Variants in G2E3 observed in about 807,000 individuals in gnomAD.
G2E3 encodes G2/M-phase specific E3 ubiquitin protein ligase.
Under a neutral mutation model 92.8 loss-of-function variants are expected in G2E3, and 35 were observed. That is an observed-to-expected ratio of 0.38 (90% CI 0.29 to 0.50). The LOEUF (loss-of-function observed/expected upper bound fraction) is 0.50. Among genes scored for constraint, G2E3 ranks in the 20% least tolerant of loss-of-function variants. The pLI, the probability that G2E3 is intolerant of heterozygous loss-of-function variation, is 0.94. For missense variants in G2E3, 554 were observed against 823.8 expected (o/e 0.67, Z 4.01); for synonymous variants, 242 against 272.4 (o/e 0.89, Z 1.10).
intron 3 of G2E3, among the ~76,000 whole-genome samples, chr14:30,588,210 T>A (rs1880819169): frequency 6.8e-6 from 1 of 147,612 alleles, no homozygotes; most frequent in Non-Finnish European, 1.5e-5. Context: ...ATTTTACTTT[T>A]TTTTCAGTCA....
At chr14:30,598,645 C>G in intron 8 of G2E3, 46 bp downstream of exon 8, 1 of 1,164,232 alleles carries the variant, frequency 8.6e-7, no homozygotes, top group African/African-American at 1.5e-5. Flanking sequence ...TTGTTTAAAC[C>G]TTCTGCTGAG....
Position 30,619,759 on chromosome 14 carries a change from A to G in G2E3, c.*3225A>G, listed in dbSNP as rs1882477894. ...ATGTCAGCCTATTTCCCCCCCTTTTAAAGACTGCCAGATTAACCAAAAAGC... is the reference window on the plus strand; with the variant it reads ...ATGTCAGCCTATTTCCCCCCCTTTTGAAGACTGCCAGATTAACCAAAAAGC... On this transcript the variant is annotated 3_prime_UTR_variant, in exon 15 of 15. Coordinates refer to ENST00000206595, the MANE Select transcript of G2E3 (RefSeq NM_017769.5). 6.6e-6 allele frequency: 1 copy of G among 152,074 alleles called. No individual in the cohort carries two copies. Among genetic ancestry groups the G allele is most frequent in the Non-Finnish European group, 1.5e-5 (1 of 67,988 alleles). The allele number at this position is 152,074 out of a possible 1,614,324, so 9.4% of individuals were successfully genotyped here. A position where few individuals can be genotyped will look rare whatever the true frequency, so the allele number is the denominator to read the frequency against.
intron 1 of G2E3, among the ~76,000 whole-genome samples, chr14:30,576,809 A>C (rs1315569418): frequency 6.6e-6 from 1 of 152,112 alleles, no homozygotes; most frequent in East Asian, 1.9e-4. Flanking sequence ...CTATAGCAAG[A>C]ATGTTCATTT....
chr14:30,577,644 G>A (rs1263105923), intron 1 of G2E3: 2 of 152,148 alleles, frequency 1.3e-5, no homozygotes, highest in African/African-American at 4.8e-5. Flanking sequence ...TTATGACATG[G>A]CAGCTGGCTT....
Position 30,574,136 on chromosome 14 carries a change from G to C in G2E3, c.-4-6940G>C, listed in dbSNP as rs145924608. Reference sequence around the variant, plus strand: ...ATCCTGCAGTATTGTACATTTGCATGTAACTTCCCTTTTCTGAACCGTTGG... The same window carrying C: ...ATCCTGCAGTATTGTACATTTGCATCTAACTTCCCTTTTCTGAACCGTTGG... On this transcript the variant is annotated intron_variant, in intron 1 of 14. Coordinates refer to ENST00000206595, the MANE Select transcript of G2E3 (RefSeq NM_017769.5). 7.9e-5 allele frequency among the ~76,000 whole-genome samples: 12 copies of C among 152,212 alleles called. No individual in the cohort carries two copies. In the East Asian group the frequency reaches 2.3e-3, roughly 29 times the overall value.
At chr14:30,601,428 C>G (rs1025108855) in intron 8 of G2E3, among the ~76,000 whole-genome samples, 5 of 152,186 alleles carry the variant, frequency 3.3e-5, no homozygotes, top group Non-Finnish European at 5.9e-5. Context: ...GACACACTGA[C>G]ACAGCAATCT....
At chr14:30,576,734 A>G (rs762742279) in intron 1 of G2E3, among the ~76,000 whole-genome samples, 4 of 152,244 alleles carry the variant, frequency 2.6e-5, no homozygotes, top group Non-Finnish European at 4.4e-5. Flanking sequence ...TTTAGAGTAC[A>G]TCGAATAATG....
chr14:30,590,549 A>T (rs905256292), intron 4 of G2E3: 1 of 392,642 alleles, frequency 2.5e-6, no homozygotes, highest in African/African-American at 2.1e-5. Flanking sequence ...ATTAAGGAGG[A>T]TGGAAAAATA....
At chr14:30,584,446 C>A (rs1880596963) in intron 2 of G2E3, among the ~76,000 whole-genome samples, 1 of 152,176 alleles carries the variant, frequency 6.6e-6, no homozygotes, top group Non-Finnish European at 1.5e-5. Flanking sequence ...TTTTGAAGAA[C>A]TGCTGGACTA....
intron 1 of G2E3, chr14:30,577,985 C>T (rs574818755): frequency 6.6e-6 from 1 of 152,174 alleles, no homozygotes; most frequent in South Asian, 2.1e-4. Flanking sequence ...TTGAACTATA[C>T]ACTTAGATAT....
intron 4 of G2E3, 24 bp from the exon 5 acceptor site, chr14:30,592,299 C>T (rs1881054613): frequency 6.2e-7 from 1 of 1,604,264 alleles, no homozygotes; most frequent in Non-Finnish European, 8.5e-7. Context: ...ATGTTGTGAC[C>T]CCTATTTTCA....
chr14:30,603,033 A>T (rs1425434852), intron 10 of G2E3: 1 of 152,198 alleles, frequency 6.6e-6, no homozygotes, highest in Non-Finnish European at 1.5e-5. Context: ...TTCTGTTCCC[A>T]TGAGACAAAA....
intron 1 of G2E3, among the ~76,000 whole-genome samples, chr14:30,575,267 G>C (rs1053282081): frequency 2.0e-5 from 3 of 151,782 alleles, no homozygotes; most frequent in Non-Finnish European, 2.9e-5. Context: ...CTTTTTAATG[G>C]GGTTGTTTTT....
At chr14:30,572,751 A>G (rs557764340) in intron 1 of G2E3, among the ~76,000 whole-genome samples, 9 of 152,202 alleles carry the variant, frequency 5.9e-5, no homozygotes, top group South Asian at 2.1e-4. Context: ...AAAACTACCA[A>G]TGATTGACTA....
In G2E3 at chr14:30,577,290, A is replaced by G. The variant is rs138723068; in HGVS notation, c.-4-3786A>G. 5.6e-4 allele frequency among the ~76,000 whole-genome samples: 85 copies of G among 152,098 alleles called. 1 individual carries two copies. In the East Asian group the frequency reaches 0.014, roughly 25 times the overall value. ...GGTTAGGATCTGTTTATTTATTCAA[A>G]TGTTAGCCATCAGCTGGAATGAGAA... On this transcript the variant is annotated intron_variant, in intron 1 of 14. Coordinates refer to ENST00000206595, the MANE Select transcript of G2E3 (RefSeq NM_017769.5).
intron 14 of G2E3, 65 bp downstream of exon 14, chr14:30,615,604 G>T (rs1239163558): frequency 2.9e-5 from 29 of 1,011,876 alleles, no homozygotes; most frequent in Non-Finnish European, 3.9e-5. Flanking sequence ...ATTTGTTGGG[G>T]GTTTTATTTG....
In G2E3 at chr14:30,619,370, T is replaced by G. The variant is rs933408666; in HGVS notation, c.*2836T>G. 4 of 152,170 alleles carry G rather than the reference T, an allele frequency of 2.6e-5. No homozygotes were observed. Among genetic ancestry groups the G allele is most frequent in the African/African-American group, 9.6e-5 (4 of 41,466 alleles). 9.4% of individuals were successfully genotyped at this position (152,170 alleles called of 1,614,324 possible). A position where few individuals can be genotyped will look rare whatever the true frequency, so the allele number is the denominator to read the frequency against. On this transcript the variant is annotated 3_prime_UTR_variant, in exon 15 of 15. Coordinates refer to ENST00000206595, the MANE Select transcript of G2E3 (RefSeq NM_017769.5). ...ATATTAGGTAAGTTTTTTCAGTGAC[T>G]GTGCCTTTAGCATTCAGTCATTATA...
chr14:30,574,186 C>G (rs532982997), intron 1 of G2E3, among the ~76,000 whole-genome samples: 14 of 152,042 alleles, frequency 9.2e-5, no homozygotes, highest in Admixed American at 2.6e-4. Flanking sequence ...ATATCTGGTC[C>G]CCCTACCCCT....
chr14:30,592,304 T>C lies in G2E3; in HGVS notation c.238-19T>C. 1 of 1,609,926 alleles carries C rather than the reference T, an allele frequency of 6.2e-7. No individual in the cohort carries two copies. On this transcript the variant is annotated intron_variant, in intron 4 of 14. Coordinates refer to ENST00000206595, the MANE Select transcript of G2E3 (RefSeq NM_017769.5). Reference sequence around the variant, plus strand: ...CAGATTTTTTATGTTGTGACCCCTATTTTCACATACTCTTCTAGAAATGCT... The same window carrying C: ...CAGATTTTTTATGTTGTGACCCCTACTTTCACATACTCTTCTAGAAATGCT...
Sources: allele counts gnomAD v4.1 joint callset (sites outside exome capture counted in the v4.1 genomes callset), GRCh38; gene constraint gnomAD v4.1.1; transcripts MANE v1.5; gene names NCBI Gene and HGNC (gene_info 2026-07-23, HGNC 2026-07-21).